EPCAM: variants seen among roughly 807,000 people sequenced by gnomAD.
EPCAM encodes adenocarcinoma-associated antigen.
In EPCAM, 39 loss-of-function variants were observed where a neutral mutation model predicts 40.0. The ratio of observed to expected loss-of-function variants is 0.98; its 90% CI spans 0.76 to 1.27. The LOEUF (loss-of-function observed/expected upper bound fraction) is 1.27. Ranked by LOEUF, EPCAM falls within the 50% of genes most tolerant of loss-of-function variation. The pLI is 0.00. For synonymous variants in EPCAM, 168 were observed against 132.3 expected, an observed-to-expected ratio of 1.27 and a Z score of -1.85; for missense variants, 503 against 381.2, an observed-to-expected ratio of 1.32 and a Z score of -2.66.
At position 47,369,509 on chromosome 2, in the gene EPCAM, G is replaced by A; in HGVS notation, c.4G>A (p.Ala2Thr). 8 of 1,552,220 alleles carry A rather than the reference G, an allele frequency of 5.2e-6. No homozygotes were observed. The highest frequency in any genetic ancestry group is 6.9e-6 in the Non-Finnish European group (8 of 1,155,180). ...CTCTTCTCGGCGCGCGCGCAGCATGGCGCCCCCGCAGGTCCTCGCGTTCGG... is the reference window on the plus strand; with the variant it reads ...CTCTTCTCGGCGCGCGCGCAGCATGACGCCCCCGCAGGTCCTCGCGTTCGG... Reference protein sequence around the residue: MAPPQVLAFGLL... With the variant: MTPPQVLAFGLL... Residue 2 changes from alanine (A) to threonine (T), a missense_variant, in exon 1 of 9, where the codon GCG becomes ACG. By Grantham distance (58) the Ala-to-Thr change is moderately conservative (BLOSUM62 0). Coordinates refer to ENST00000263735, the MANE Select transcript of EPCAM (RefSeq NM_002354.3).
At chr2:47,370,381 C>G (rs961006387) in intron 1 of EPCAM, among the ~76,000 whole-genome samples, 1 of 148,848 alleles carries the variant, frequency 6.7e-6, no homozygotes, top group African/African-American at 2.5e-5. Context: ...AAGTGATTCT[C>G]CTGCCTCAGC....
chr2:47,373,035 G>A (rs533916236), intron 1 of EPCAM, among the ~76,000 whole-genome samples: 7 of 150,920 alleles, frequency 4.6e-5, no homozygotes, highest in South Asian at 2.1e-4. Context: ...GCGAAACCCC[G>A]TATCTACAAA....
In EPCAM at chr2:47,386,626, A is replaced by G. The variant is rs2103770946; in HGVS notation, c.*13A>G. 1 of 1,578,520 alleles carries G rather than the reference A, an allele frequency of 6.3e-7. No homozygotes were observed. The highest frequency in any genetic ancestry group is 8.7e-7 in the Non-Finnish European group (1 of 1,148,594). On this transcript the variant is annotated 3_prime_UTR_variant, in exon 9 of 9. Transcript: ENST00000263735. ...ACTCAATGCATAACTATATAATTTGAAGATTATAGAAGAAGGGAAATAGCA... is the reference window on the plus strand; with the variant it reads ...ACTCAATGCATAACTATATAATTTGGAGATTATAGAAGAAGGGAAATAGCA...
At chr2:47,383,817 A>T (rs1671664557) in intron 7 of EPCAM, among the ~76,000 whole-genome samples, 1 of 143,802 alleles carries the variant, frequency 7.0e-6, no homozygotes, top group South Asian at 2.2e-4. Flanking sequence ...TTGTATTTCT[A>T]GTAGAGATAG....
rs200815338 is a variant in EPCAM at position 47,375,324 on chromosome 2, T to C, written c.491+25T>C. 2.3e-4 allele frequency: 336 copies of C among 1,488,868 alleles called. 1 individual carries two copies. The South Asian group carries it at 3.1e-3, about 14-fold the overall frequency. The allele number at this position is 1,488,868 out of a possible 1,614,324, so 92.2% of individuals were successfully genotyped here. ...CGTAAGTGCAATTAAATGCATCATA[T>C]TCTTGCACAGTTGGTGGCTCAAATC... On this transcript the variant is annotated intron_variant, in intron 4 of 8. Coordinates refer to ENST00000263735, the MANE Select transcript of EPCAM (RefSeq NM_002354.3).
chr2:47,379,274 A>C (rs1362897676), intron 6 of EPCAM, among the ~76,000 whole-genome samples: 1 of 152,076 alleles, frequency 6.6e-6, no homozygotes, highest in Non-Finnish European at 1.5e-5. Context: ...CCTCTTTCTT[A>C]TAATTCTTAT....
rs1437855503 is a variant in EPCAM, at chr2:47,369,429, C to T, written c.-77C>T. On this transcript the variant is annotated 5_prime_UTR_variant, in exon 1 of 9. Coordinates refer to ENST00000263735, the MANE Select transcript of EPCAM (RefSeq NM_002354.3). The stretch of plus-strand genomic sequence containing the variant: ...GCCTCGCGCTGCCCGGCCGGCTCCT[C>T]GTGTCCCACTCCCGGCGCACGCCCT... 3.8e-6 allele frequency: 5 copies of T among 1,313,838 alleles called. No homozygotes were observed. Among genetic ancestry groups the T allele is most frequent in the East Asian group, 6.1e-5 (2 of 32,934 alleles). 81.4% of individuals were successfully genotyped at this position (1,313,838 alleles called of 1,614,324 possible).
chr2:47,378,634 A>T (rs1013492562), intron 5 of EPCAM, among the ~76,000 whole-genome samples: 4 of 152,096 alleles, frequency 2.6e-5, no homozygotes, highest in Non-Finnish European at 5.9e-5. Context: ...TTTAGTTTTA[A>T]AGTAGTTCTA....
intron 1 of EPCAM, among the ~76,000 whole-genome samples, chr2:47,370,036 A>G (rs780926051): frequency 2.6e-5 from 4 of 152,178 alleles, no homozygotes; most frequent in African/African-American, 4.8e-5. Context: ...TGTGGGCCTC[A>G]GGCGGGGACA....
In EPCAM at chr2:47,369,363, C is replaced by T. The variant is rs1000967615; in HGVS notation, c.-143C>T. 24 of 1,205,674 alleles carry T rather than the reference C, an allele frequency of 2.0e-5. No homozygotes were observed. In the African/African-American group the frequency reaches 2.7e-4, roughly 14 times the overall value. 74.7% of individuals were successfully genotyped at this position (1,205,674 alleles called of 1,614,324 possible). A position where few individuals can be genotyped will look rare whatever the true frequency, so the allele number is the denominator to read the frequency against. On this transcript the variant is annotated 5_prime_UTR_variant, in exon 1 of 9. Coordinates refer to ENST00000263735, the MANE Select transcript of EPCAM (RefSeq NM_002354.3). Reference sequence around the variant, plus strand: ...GCACCTTCGACGCGGTCCGGGGACCCCCTCGTCGCTGTCCTCCCGACGCGG... The same window carrying T: ...GCACCTTCGACGCGGTCCGGGGACCTCCTCGTCGCTGTCCTCCCGACGCGG...
intron 4 of EPCAM, 34 bp downstream of exon 4, chr2:47,375,333 A>C: frequency 1.5e-6 from 2 of 1,377,354 alleles, no homozygotes; most frequent in Non-Finnish European, 2.1e-6. Flanking sequence ...ATTCTTGCAC[A>C]GTTGGTGGCT....
intron 7 of EPCAM, among the ~76,000 whole-genome samples, chr2:47,381,563 C>T (rs1671591151): frequency 6.6e-6 from 1 of 152,096 alleles, no homozygotes; most frequent in Non-Finnish European, 1.5e-5. Context: ...CCATATTGCC[C>T]AGCTGTGTGA....
intron 7 of EPCAM, among the ~76,000 whole-genome samples, chr2:47,381,624 C>T (rs145233528): frequency 1.3e-5 from 2 of 152,180 alleles, no homozygotes; most frequent in African/African-American, 4.8e-5. Context: ...GCAGTGTATC[C>T]ATTTTCAAAG....
intron 7 of EPCAM, among the ~76,000 whole-genome samples, chr2:47,380,446 A>G (rs1380479768): frequency 6.6e-6 from 1 of 152,210 alleles, no homozygotes; most frequent in Non-Finnish European, 1.5e-5. Flanking sequence ...TCTTTTTACA[A>G]AAGTCATTTT....
rs773185578 is a variant in EPCAM at position 47,379,865 on chromosome 2, G to A, written c.754G>A (p.Val252Ile). Residue 252 changes from valine (V) to isoleucine (I), a missense_variant, in exon 7 of 9, where the codon GTT becomes ATT. Coordinates refer to ENST00000263735, the MANE Select transcript of EPCAM (RefSeq NM_002354.3). ...LDPGQTLIYYVDEKAPEFSMQ... is the reference protein window; with the variant it reads ...LDPGQTLIYYIDEKAPEFSMQ... ...TCCTGGTCAAACTTTAATTTATTAT[G>A]TTGATGAAAAAGCACCTGAATTCTC... The A allele has an allele frequency of 1.9e-6, 3 of 1,614,042 alleles. No individual in the cohort carries two copies. Among genetic ancestry groups the A allele is most frequent in the Non-Finnish European group, 2.5e-6 (3 of 1,180,034 alleles).
chr2:47,375,332 C>T (rs749314114), intron 4 of EPCAM, 33 bp downstream of exon 4: 1 of 1,375,954 alleles, frequency 7.3e-7, no homozygotes, highest in South Asian at 1.2e-5. Flanking sequence ...TATTCTTGCA[C>T]AGTTGGTGGC....
intron 1 of EPCAM, 55 bp downstream of exon 1, chr2:47,369,636 G>GC: frequency 2.0e-6 from 3 of 1,499,820 alleles, no homozygotes; most frequent in Non-Finnish European, 2.7e-6. Context: ...GGGGGCAGCG[G>GC]CCCCCGGCCC....
intron 4 of EPCAM, among the ~76,000 whole-genome samples, chr2:47,376,447 A>C (rs1258291129): frequency 6.6e-6 from 1 of 151,866 alleles, no homozygotes. Context: ...TTTAGTAGAC[A>C]CGGGGTTTCT....
intron 4 of EPCAM, among the ~76,000 whole-genome samples, chr2:47,375,934 G>C (rs547816673): frequency 6.6e-6 from 1 of 151,966 alleles, no homozygotes; most frequent in African/African-American, 2.4e-5. Context: ...TCGAACTCCT[G>C]AACTTGTGAT....
Sources: gnomAD v4.1 joint callset for allele counts (sites outside exome capture counted in the v4.1 genomes callset) on GRCh38, gnomAD v4.1.1 for gene constraint, MANE v1.5 for transcripts, NCBI Gene and HGNC (gene_info 2026-07-23, HGNC 2026-07-21) for gene names.